Variants in FAAP24 observed in about 807,000 individuals in gnomAD.
FAAP24 encodes the protein FA core complex associated protein 24.
In FAAP24, 16 loss-of-function variants were observed where a neutral mutation model predicts 14.3. That is an observed-to-expected ratio of 1.12 (90% CI 0.76 to 1.69). FAAP24 has a LOEUF of 1.69. Among genes scored for constraint, FAAP24 ranks in the 40% most tolerant of loss-of-function variants. The probability of loss-of-function intolerance (pLI) is 0.00; values close to 1 mark genes in which losing one functional copy is unlikely to be tolerated. For missense variants in FAAP24, 234 were observed against 262.7 expected, an observed-to-expected ratio of 0.89 and a Z score of 0.75; for synonymous variants, 111 against 106.2, an observed-to-expected ratio of 1.04 and a Z score of -0.28.
chr19:32,974,109 A>G lies in FAAP24; in HGVS notation c.293A>G (p.Glu98Gly). ...GTCGTTGAAAAAACCCGGATGAGTG[A>G]ACAATACTTCCCAGCCCTACAGAAG... ...IVVVEKTRMS[E>G]QYFPALQKFT... Residue 98 changes from glutamate to glycine, a missense_variant, in exon 4 of 5, where the codon GAA becomes GGA. Transcript: ENST00000588258. The G allele has an allele frequency of 6.2e-7, 1 of 1,614,186 alleles. No individual in the cohort carries two copies. Among genetic ancestry groups the G allele is most frequent in the Non-Finnish European group, 8.5e-7 (1 of 1,180,032 alleles).
chr19:32,973,064 C>T (rs1300051640), intron 1 of FAAP24, 120 bp from the exon 2 acceptor site: 1 of 718,092 alleles, frequency 1.4e-6, no homozygotes, highest in Non-Finnish European at 2.4e-6. Flanking sequence ...TTTGACAGTT[C>T]TTTGACAAAT....
chr19:32,976,429 A>G lies in FAAP24; in HGVS notation c.397-2A>G, dbSNP rs1350887094. On this transcript the variant is annotated splice_acceptor_variant, in intron 4 of 4. Transcript: ENST00000588258. LOFTEE classifies it high-confidence loss of function. ...CGTGCTGTTGCTTTCATTGTGGTTC[A>G]GGTTCAAGAGCAAACCAAAGAGCCC... 6.2e-7 allele frequency: 1 copy of G among 1,609,448 alleles called. No individual in the cohort carries two copies. The highest frequency in any genetic ancestry group is 8.5e-7 in the Non-Finnish European group (1 of 1,177,250).
At chr19:32,976,183 CTGTG>C (rs769587506) in intron 4 of FAAP24, among the ~76,000 whole-genome samples, 2 of 152,186 alleles carry the variant, frequency 1.3e-5, no homozygotes, top group Non-Finnish European at 2.9e-5. Context: ...TTGAATTCAT[CTGTG>C]TGTTTTTCTA....
At chr19:32,974,347 C>T (rs550200303) in intron 4 of FAAP24, 135 bp downstream of exon 4, 224 of 1,027,856 alleles carry the variant, frequency 2.2e-4, no homozygotes, top group Middle Eastern at 2.3e-4. Flanking sequence ...AATTTAAATG[C>T]GGAAGCTGCC....
At position 32,972,247 on chromosome 19, in the gene FAAP24, C is replaced by T. The variant is rs1432890491; in HGVS notation, c.-113C>T. 2.4e-5 allele frequency: 11 copies of T among 455,672 alleles called. No individual in the cohort carries two copies. Among genetic ancestry groups the T allele is most frequent in the African/African-American group, 2.0e-4 (10 of 51,212 alleles). The allele number at this position is 455,672 out of a possible 1,614,324, so 28.2% of individuals were successfully genotyped here. On this transcript the variant is annotated 5_prime_UTR_variant, in exon 1 of 5. Transcript: ENST00000588258. ...ACTGGGCGAGCACCGAGGGCGTGAACCCGGAAGGTGGCGCGGCCACCAGTA... is the reference window on the plus strand; with the variant it reads ...ACTGGGCGAGCACCGAGGGCGTGAATCCGGAAGGTGGCGCGGCCACCAGTA...
rs576051776 is a variant in FAAP24 at position 32,973,274 on chromosome 19, C to T, written c.78C>T (p.Arg26=). Residue 26 remains arginine (R), a synonymous_variant, in exon 2 of 5, where the codon CGC becomes CGT. Coordinates refer to ENST00000588258, the MANE Select transcript of FAAP24 (RefSeq NM_152266.5). ...ATATTGTGGCCAATGAGAAATGGCG[C>T]GGGTCACAGCTGGCGCAGGAGATGC... ...LGHIVANEKW[R]GSQLAQEMQG... is the part of the protein sequence containing the mutation. The T allele has an allele frequency of 6.8e-6, 11 of 1,613,958 alleles. No homozygotes were observed. Among genetic ancestry groups the T allele is most frequent in the South Asian group, 5.5e-5 (5 of 91,068 alleles).
Position 32,976,765 on chromosome 19 carries a change from G to A in FAAP24, c.*83G>A. ...TTTCAGCTTTAAAAACCAAGAGAATGGGCCGGGTGCACTGGCTCACGCCTC... is the reference window on the plus strand; with the variant it reads ...TTTCAGCTTTAAAAACCAAGAGAATAGGCCGGGTGCACTGGCTCACGCCTC... On this transcript the variant is annotated 3_prime_UTR_variant, in exon 5 of 5. Transcript: ENST00000588258. 6.5e-7 allele frequency: 1 copy of A among 1,546,852 alleles called. No homozygotes were observed. The highest frequency in any genetic ancestry group is 1.8e-5 in the Admixed American group (1 of 54,202).
chr19:32,975,704 C>T (rs578005439), intron 4 of FAAP24, among the ~76,000 whole-genome samples: 40 of 151,388 alleles, frequency 2.6e-4, no homozygotes, highest in Admixed American at 2.4e-3. Context: ...GTGTTGTGCC[C>T]GCCTCAGCCT....
At chr19:32,976,409 T>C (rs1357548623) in intron 4 of FAAP24, 22 bp from the exon 5 acceptor site, 1 of 1,596,548 alleles carries the variant, frequency 6.3e-7, no homozygotes, top group African/African-American at 1.3e-5. Context: ...GCTCACGTGC[T>C]GTTGCTTTCA....
chr19:32,976,769 C>A lies in FAAP24; in HGVS notation c.*87C>A. On this transcript the variant is annotated 3_prime_UTR_variant, in exon 5 of 5. Transcript: ENST00000588258. ...AGCTTTAAAAACCAAGAGAATGGGC[C>A]GGGTGCACTGGCTCACGCCTCTAAT... is the stretch of plus-strand genomic sequence containing the variant. The A allele has an allele frequency of 6.5e-7, 1 of 1,528,346 alleles. No individual in the cohort carries two copies. The highest frequency in any genetic ancestry group is 8.9e-7 in the Non-Finnish European group (1 of 1,128,772). The allele number at this position is 1,528,346 out of a possible 1,614,324, so 94.7% of individuals were successfully genotyped here.
In FAAP24 at chr19:32,976,456, G is replaced by C; in HGVS notation, c.422G>C (p.Ser141Thr). ...GTTCAAGAGCAAACCAAAGAGCCCA[G>C]TAAGAACCCTCTTCTCGGGAAGAAA... is the stretch of plus-strand genomic sequence containing the variant. ...QLVQEQTKEP[S>T]KNPLLGKKRA... The change falls in exon 5 of 5, where the codon AGT becomes ACT. Residue 141 changes from serine to threonine, a missense_variant. By Grantham distance (58) the Ser-to-Thr change is moderately conservative. Transcript: ENST00000588258. 6.2e-7 allele frequency: 1 copy of C among 1,614,198 alleles called. No individual in the cohort carries two copies. Among genetic ancestry groups the C allele is most frequent in the Non-Finnish European group, 8.5e-7 (1 of 1,180,022 alleles).
chr19:32,975,790 C>T (rs1403509412), intron 4 of FAAP24, among the ~76,000 whole-genome samples: 1 of 152,150 alleles, frequency 6.6e-6, no homozygotes, highest in Non-Finnish European at 1.5e-5. Context: ...AGTTTAGTAG[C>T]TTACGCCTCT....
Position 32,976,585 on chromosome 19 carries a change from TC to T in FAAP24, c.553del (p.Gln185SerfsTer3). 1 of 1,614,200 alleles carries T rather than the reference TC, an allele frequency of 6.2e-7. No homozygotes were observed. Among genetic ancestry groups the T allele is most frequent in the Non-Finnish European group, 8.5e-7 (1 of 1,180,040 alleles). ...CTTCTCCTCCAGAAGTTTCCAAGCA[TC>T]CAGCAACTGAGTAATGCTTCCATTG... ...APLLLQKFPS[I>X]QQLSNASIGE... On this transcript the variant is annotated frameshift_variant, in exon 5 of 5. Coordinates refer to ENST00000588258, the MANE Select transcript of FAAP24 (RefSeq NM_152266.5). LOFTEE classifies it high-confidence loss of function.
intron 1 of FAAP24, among the ~76,000 whole-genome samples, chr19:32,972,710 C>CTTTTTTTTTTTTTTTT (rs377681596): frequency 7.8e-6 from 1 of 128,560 alleles, no homozygotes; most frequent in East Asian, 2.3e-4. Context: ...TTTTCTTTTT[C>CTTTTTTTTTTTTTTTT]TTTTCTTTTT....
Position 32,977,658 on chromosome 19 carries a change from C to T in FAAP24, c.*976C>T, listed in dbSNP as rs988084852. 14 of 381,812 alleles carry T rather than the reference C, an allele frequency of 3.7e-5. No homozygotes were observed. Among genetic ancestry groups the T allele is most frequent in the Non-Finnish European group, 5.5e-5 (12 of 216,524 alleles). The allele number at this position is 381,812 out of a possible 1,614,324, so 23.7% of individuals were successfully genotyped here. On this transcript the variant is annotated 3_prime_UTR_variant, in exon 5 of 5. Transcript: ENST00000588258. The stretch of plus-strand genomic sequence containing the variant: ...CTCAACGGCCGGGCATAGTGGCTCA[C>T]ACCTGTAATCCCAGCACTTTGGGAG...
rs748073050 is a variant in FAAP24 at position 32,973,511 on chromosome 19, T to C, written c.192T>C (p.Ala64=). 6.2e-7 allele frequency: 1 copy of C among 1,614,254 alleles called. No homozygotes were observed. The highest frequency in any genetic ancestry group is 8.5e-7 in the Non-Finnish European group (1 of 1,180,044). Residue 64 remains alanine, a synonymous_variant, in exon 3 of 5, where the codon GCT becomes GCC. Transcript: ENST00000588258. ...GCTGCATTCTTTATGTCACCGAAGC[T>C]GATTTGGTGGCAGGAAATGGCTACA... ...NRCCILYVTE[A]DLVAGNGYRK...
Position 32,976,426 on chromosome 19 carries a change from T to C in FAAP24, c.397-5T>C. ...TCACGTGCTGTTGCTTTCATTGTGG[T>C]TCAGGTTCAAGAGCAAACCAAAGAG... is the stretch of plus-strand genomic sequence containing the variant. On this transcript the variant is annotated splice_region_variant and splice_polypyrimidine_tract_variant and intron_variant, in intron 4 of 4. Transcript: ENST00000588258. 6.2e-7 allele frequency: 1 copy of C among 1,608,430 alleles called. No homozygotes were observed. The highest frequency in any genetic ancestry group is 1.3e-5 in the African/African-American group (1 of 74,776).
In FAAP24 at chr19:32,976,749, T is replaced by A; in HGVS notation, c.*67T>A. On this transcript the variant is annotated 3_prime_UTR_variant, in exon 5 of 5. Transcript: ENST00000588258. ...AACACCAGGATCTTGTTTTCAGCTTTAAAAACCAAGAGAATGGGCCGGGTG... is the reference window on the plus strand; with the variant it reads ...AACACCAGGATCTTGTTTTCAGCTTAAAAAACCAAGAGAATGGGCCGGGTG... 1 of 1,581,070 alleles carries A rather than the reference T, an allele frequency of 6.3e-7. No individual in the cohort carries two copies. Among genetic ancestry groups the A allele is most frequent in the Non-Finnish European group, 8.6e-7 (1 of 1,162,490 alleles).
intron 4 of FAAP24, among the ~76,000 whole-genome samples, 166 bp from the exon 5 acceptor site, chr19:32,976,265 A>C (rs1368348517): frequency 6.6e-6 from 1 of 152,206 alleles, no homozygotes; most frequent in African/African-American, 2.4e-5. Context: ...ACCTTTCAAT[A>C]ATTTTACTGA....
Sources: gnomAD v4.1 joint callset for allele counts (sites outside exome capture counted in the v4.1 genomes callset) on GRCh38, gnomAD v4.1.1 for gene constraint, MANE v1.5 for transcripts, NCBI Gene and HGNC (gene_info 2026-07-23, HGNC 2026-07-21) for gene names.